TMEM25: variants seen among roughly 807,000 people sequenced by gnomAD.
TMEM25 encodes 0610039J01Rik.
In TMEM25, 36 loss-of-function variants were observed where a neutral mutation model predicts 37.0. The observed-to-expected ratio is 0.97, with a 90% CI of 0.75 to 1.28. The LOEUF (loss-of-function observed/expected upper bound fraction) is 1.28. TMEM25 is among the 50% of genes most tolerant of loss of function. The pLI, the probability that TMEM25 is intolerant of heterozygous loss-of-function variation, is 0.00. For missense variants in TMEM25, 444 were observed against 477.9 expected (o/e 0.93, Z 0.66); for synonymous variants, 197 against 203.7 (o/e 0.97, Z 0.28).
exon 9 of TMEM25, chr11:118,546,130 C>A: frequency 1.4e-6 from 1 of 718,450 alleles, no homozygotes; most frequent in South Asian, 1.5e-5. Context: ...AAGAAGAAAT[C>A]AGGACAAAGA....
Position 118,545,646 on chromosome 11 carries a change from C to A in TMEM25, c.1028-473C>A, listed in dbSNP as rs1951662840. On this transcript the variant is annotated intron_variant, in intron 8 of 8. Transcript: ENST00000354284. ...GCAGGTAGTCACATAAGCCAAACAC[C>A]ACCTTTGAGTGCTGCCAAAGAGCAC... 2.8e-6 allele frequency: 3 copies of A among 1,090,446 alleles called. 1 individual carries two copies. Among genetic ancestry groups the A allele is most frequent in the South Asian group, 2.7e-5 (2 of 74,392 alleles). 67.5% of individuals were successfully genotyped at this position (1,090,446 alleles called of 1,614,324 possible).
At chr11:118,538,106 T>A (rs535350608), downstream of TMEM25, among the ~76,000 whole-genome samples, 3 of 152,270 alleles carry the variant, frequency 2.0e-5, no homozygotes, top group African/African-American at 7.2e-5. Context: ...TAGTTTACAT[T>A]CCCACCAATA....
rs1555062832 is a variant in TMEM25 at position 118,535,474 on chromosome 11, C to T, written c.*894C>T. ...GCCTTCTGGGATTCACTGTGAGTGT[C>T]CTGAGCTCTCGGGGTTGATGGTTTT... On this transcript the variant is annotated 3_prime_UTR_variant, in exon 9 of 9. Coordinates refer to ENST00000313236, the MANE Select transcript of TMEM25 (RefSeq NM_032780.4). The T allele has an allele frequency of 2.0e-6, 3 of 1,520,018 alleles. No homozygotes were observed. The highest frequency in any genetic ancestry group is 2.5e-5 in the East Asian group (1 of 40,394). The allele number at this position is 1,520,018 out of a possible 1,614,324, so 94.2% of individuals were successfully genotyped here.
Position 118,535,668 on chromosome 11 carries a change from T to C in TMEM25, c.*1088T>C. The C allele has an allele frequency of 3.3e-6, 5 of 1,500,678 alleles. No homozygotes were observed. The highest frequency in any genetic ancestry group is 3.6e-6 in the Non-Finnish European group (4 of 1,124,068). 93.0% of individuals were successfully genotyped at this position (1,500,678 alleles called of 1,614,324 possible). A position where few individuals can be genotyped will look rare whatever the true frequency, so the allele number is the denominator to read the frequency against. The stretch of plus-strand genomic sequence containing the variant: ...AAGAAGGAGACCACATACCCCAAAG[T>C]GACCTAAGAACACTTTAAAAAGCAA... On this transcript the variant is annotated 3_prime_UTR_variant, in exon 9 of 9. Coordinates refer to ENST00000313236, the MANE Select transcript of TMEM25 (RefSeq NM_032780.4).
intron 8 of TMEM25, among the ~76,000 whole-genome samples, chr11:118,541,461 C>CAAA (rs1216078404): frequency 1.2e-4 from 4 of 32,894 alleles, no homozygotes; most frequent in African/African-American, 1.6e-4. Flanking sequence ...GACCCTGTCT[C>CAAA]AAAAAAAAAA....
downstream of TMEM25, among the ~76,000 whole-genome samples, chr11:118,537,169 C>T (rs1386457353): frequency 2.0e-5 from 3 of 152,080 alleles, no homozygotes; most frequent in Admixed American, 6.6e-5. Flanking sequence ...GGTGAAACCC[C>T]ATCTCTACTA....
chr11:118,532,502 C>A (rs782032713), intron 3 of TMEM25, 41 bp downstream of exon 3: 1 of 1,565,266 alleles, frequency 6.4e-7, no homozygotes, highest in East Asian at 2.3e-5. Context: ...GGTTCTTTGC[C>A]CAGGGACCCC....
downstream of TMEM25, among the ~76,000 whole-genome samples, chr11:118,537,737 G>A (rs1451415868): frequency 6.6e-6 from 1 of 152,110 alleles, no homozygotes; most frequent in Non-Finnish European, 1.5e-5. Flanking sequence ...GGATTGAATG[G>A]TAATCCTATT....
Position 118,531,782 on chromosome 11 carries a change from G to A in TMEM25, c.-20G>A, listed in dbSNP as rs1454157055. 3 of 1,548,226 alleles carry A rather than the reference G, an allele frequency of 1.9e-6. No homozygotes were observed. Among genetic ancestry groups the A allele is most frequent in the African/African-American group, 2.7e-5 (2 of 73,004 alleles). On this transcript the variant is annotated 5_prime_UTR_variant, in exon 2 of 9. Coordinates refer to ENST00000313236, the MANE Select transcript of TMEM25 (RefSeq NM_032780.4). ...CCCGCCCCCTTCTCTCAGCAGCCTA[G>A]GGCCTAGGCCCGGGCCACCATGGCG...
At position 118,535,669 on chromosome 11, in the gene TMEM25, GAC is replaced by G; in HGVS notation, c.*1090_*1091del. ...AGAAGGAGACCACATACCCCAAAGT[GAC>G]CTAAGAACACTTTAAAAAGCAACAT... is the stretch of plus-strand genomic sequence containing the variant. On this transcript the variant is annotated 3_prime_UTR_variant, in exon 9 of 9. Coordinates refer to ENST00000313236, the MANE Select transcript of TMEM25 (RefSeq NM_032780.4). The G allele has an allele frequency of 6.7e-7, 1 of 1,498,902 alleles. No homozygotes were observed. Among genetic ancestry groups the G allele is most frequent in the South Asian group, 1.2e-5 (1 of 80,420 alleles). 92.9% of individuals were successfully genotyped at this position (1,498,902 alleles called of 1,614,324 possible). A position where few individuals can be genotyped will look rare whatever the true frequency, so the allele number is the denominator to read the frequency against.
intron 3 of TMEM25, 99 bp from the exon 4 acceptor site, chr11:118,532,818 G>A: frequency 6.7e-7 from 1 of 1,497,612 alleles, no homozygotes; most frequent in East Asian, 2.3e-5. Flanking sequence ...CCCCTCTGAG[G>A]AGAGGCCCAG....
intron 8 of TMEM25, chr11:118,545,897 G>A (rs782249553): frequency 6.4e-7 from 1 of 1,564,728 alleles, no homozygotes; most frequent in Non-Finnish European, 8.8e-7. Flanking sequence ...GATGGTGTCA[G>A]TGGTCCCAGA....
At chr11:118,537,571 C>T (rs1951527131), downstream of TMEM25, among the ~76,000 whole-genome samples, 1 of 152,298 alleles carries the variant, frequency 6.6e-6, no homozygotes, top group South Asian at 2.1e-4. Context: ...TTCCTTCACC[C>T]ACATTTTCTT....
intron 2 of TMEM25, 112 bp downstream of exon 2, chr11:118,531,983 C>A: frequency 7.1e-7 from 1 of 1,400,442 alleles, no homozygotes; most frequent in South Asian, 1.3e-5. Flanking sequence ...CCTGGAGTCC[C>A]TGTCCCCTTC....
chr11:118,540,099 G>T (rs532957032), downstream of TMEM25, among the ~76,000 whole-genome samples: 36 of 151,496 alleles, frequency 2.4e-4, 1 homozygote, highest in South Asian at 7.3e-3. Flanking sequence ...TTTGAGCGCA[G>T]ATTTATCTTC....
chr11:118,542,816 G>C (rs1363923344), intron 8 of TMEM25, among the ~76,000 whole-genome samples: 1 of 152,164 alleles, frequency 6.6e-6, no homozygotes, highest in Non-Finnish European at 1.5e-5. Flanking sequence ...GGGAGGCTGA[G>C]GCAGGAGAAT....
Position 118,531,869 on chromosome 11 carries a change from C to T in TMEM25, c.68C>T (p.Ser23Leu). The change falls in exon 2 of 9, where the codon TCA becomes TTA. Residue 23 changes from serine to leucine, a missense_variant and splice_region_variant. Coordinates refer to ENST00000313236, the MANE Select transcript of TMEM25 (RefSeq NM_032780.4). ...CTGCTCCTGCCAGCCCTTCTGAGCT[C>T]AGGTACACCCCTGTTCAGTCGTTGA... ...TLLLLPALLSSGWGELEPQID... is the reference protein window; with the variant it reads ...TLLLLPALLSLGWGELEPQID... The T allele has an allele frequency of 6.4e-7, 1 of 1,551,690 alleles. No homozygotes were observed. Among genetic ancestry groups the T allele is most frequent in the Non-Finnish European group, 8.7e-7 (1 of 1,147,024 alleles).
rs542382354 is a variant in TMEM25, at chr11:118,544,366, T to C, written c.1028-1753T>C. Among the ~76,000 whole-genome samples the C allele has an allele frequency of 1.3e-4, 20 of 152,282 alleles. No individual in the cohort carries two copies. In the South Asian group the frequency reaches 3.9e-3, roughly 30 times the overall value. On this transcript the variant is annotated intron_variant, in intron 8 of 8. Transcript: ENST00000354284. The stretch of plus-strand genomic sequence containing the variant: ...AATTCCAGAGGAAAAATGATTCCCC[T>C]CGACTGCCAATCTTGGAGGATTGGG...
intron 2 of TMEM25, 133 bp downstream of exon 2, chr11:118,532,004 C>T (rs904017761): frequency 8.1e-5 from 111 of 1,365,648 alleles, no homozygotes; most frequent in Non-Finnish European, 1.0e-4. Context: ...ACCCACCTAC[C>T]CTAGGTCCAA....
Sources: gnomAD v4.1 joint callset for allele counts (sites outside exome capture counted in the v4.1 genomes callset) on GRCh38, gnomAD v4.1.1 for gene constraint, MANE v1.5 for transcripts, NCBI Gene and HGNC (gene_info 2026-07-23, HGNC 2026-07-21) for gene names.